Variants in DNAI1 observed in about 807,000 individuals in gnomAD.
The protein encoded by DNAI1 is dynein axonemal intermediate chain 1.
A neutral mutation model predicts 92.0 loss-of-function variants in DNAI1; 67 were observed. The ratio of observed to expected loss-of-function variants is 0.73; its 90% CI spans 0.60 to 0.89. The LOEUF (loss-of-function observed/expected upper bound fraction) is 0.89, where lower values mean the gene tolerates loss of function less well. DNAI1 is among the 40% of genes least tolerant of loss of function. The pLI is 0.00. For synonymous variants in DNAI1, 323 were observed against 319.6 expected (o/e 1.01, Z -0.11); for missense variants, 839 against 866.6 (o/e 0.97, Z 0.40).
intron 19 of DNAI1, among the ~76,000 whole-genome samples, chr9:34,517,751 TATC>T (rs1485785918): frequency 6.6e-6 from 1 of 151,986 alleles, no homozygotes; most frequent in Non-Finnish European, 1.5e-5. Flanking sequence ...AATGTGGAGG[TATC>T]ATTGATTTCT....
chr9:34,506,650 G>T lies in DNAI1; in HGVS notation c.1087G>T (p.Gly363Cys), dbSNP rs1274183697. Reference sequence around the variant, plus strand: ...AGATGACTTCATGAAGCAGAGCCGGGGCATGCTGCTGCTCTACAGCCTGAA... The same window carrying T: ...AGATGACTTCATGAAGCAGAGCCGGTGCATGCTGCTGCTCTACAGCCTGAA... ...GSYDFMKQSR[G>C]MLLLYSLKNP... The change falls in exon 13 of 20, where the codon GGC (glycine) becomes TGC (cysteine). Residue 363 changes from glycine (G) to cysteine (C), a missense_variant. By Grantham distance (159) the Gly-to-Cys change is radical (BLOSUM62 -3). Transcript: ENST00000242317. 6.2e-7 allele frequency: 1 copy of T among 1,614,144 alleles called. No individual in the cohort carries two copies. The highest frequency in any genetic ancestry group is 8.5e-7 in the Non-Finnish European group (1 of 1,180,036).
intron 18 of DNAI1, among the ~76,000 whole-genome samples, chr9:34,515,238 C>A (rs1020076579): frequency 1.3e-5 from 2 of 152,212 alleles, no homozygotes; most frequent in East Asian, 1.9e-4. Context: ...TGAGCATATT[C>A]TTGAATGCAA....
chr9:34,513,470 G>C (rs1410844838), intron 16 of DNAI1, among the ~76,000 whole-genome samples: 1 of 152,150 alleles, frequency 6.6e-6, no homozygotes, highest in Admixed American at 6.5e-5. Context: ...GTAGAAGGGG[G>C]GATTCGGAGG....
At chr9:34,462,602 C>T (rs963006243) in intron 1 of DNAI1, among the ~76,000 whole-genome samples, 1 of 152,286 alleles carries the variant, frequency 6.6e-6, no homozygotes, top group African/African-American at 2.4e-5. Context: ...TGGAAATTAT[C>T]ATCTGAATGT....
chr9:34,467,352 C>T (rs1824056772), intron 1 of DNAI1, among the ~76,000 whole-genome samples: 1 of 151,920 alleles, frequency 6.6e-6, no homozygotes, highest in African/African-American at 2.4e-5. Context: ...AATCCTAGCA[C>T]TTTGGGAGGC....
At chr9:34,485,413 C>G (rs769529228) in intron 3 of DNAI1, 24 bp from the exon 4 acceptor site, 1 of 1,613,252 alleles carries the variant, frequency 6.2e-7, no homozygotes, top group African/African-American at 1.3e-5. Flanking sequence ...CATGTATGAC[C>G]CTCTTGGTAT....
At chr9:34,520,135 C>T (rs139012401) in intron 19 of DNAI1, among the ~76,000 whole-genome samples, 2 of 152,262 alleles carry the variant, frequency 1.3e-5, no homozygotes, top group East Asian at 1.9e-4. Flanking sequence ...CAGCAGGTCT[C>T]GCCCCAAATA....
intron 3 of DNAI1, 88 bp downstream of exon 3, chr9:34,485,328 C>G: frequency 1.3e-6 from 2 of 1,597,212 alleles, no homozygotes; most frequent in Non-Finnish European, 8.6e-7. Context: ...AGGAGCTTGC[C>G]CAGAACCTGG....
intron 19 of DNAI1, among the ~76,000 whole-genome samples, chr9:34,518,321 T>C (rs1043399835): frequency 7.9e-5 from 12 of 152,264 alleles, no homozygotes; most frequent in Non-Finnish European, 1.8e-4. Flanking sequence ...ACTACTGTCT[T>C]CCCTGCACTG....
In DNAI1 at chr9:34,468,109, C is replaced by T. The variant is rs942480474; in HGVS notation, c.48+9056C>T. Among the ~76,000 whole-genome samples, 21 of 151,734 alleles carry T rather than the reference C, an allele frequency of 1.4e-4. 1 individual carries two copies. In the Middle Eastern group the frequency reaches 0.017, roughly 123 times the overall value. ...AATACAATATCAGAAATAAAAAATT[C>T]GTTGGATAGGCCTAACAGCTGAATG... On this transcript the variant is annotated intron_variant, in intron 1 of 19. Transcript: ENST00000242317.
At chr9:34,510,964 C>T (rs1181034820) in intron 13 of DNAI1, among the ~76,000 whole-genome samples, 2 of 152,234 alleles carry the variant, frequency 1.3e-5, no homozygotes, top group African/African-American at 2.4e-5. Flanking sequence ...CTCCGATCCA[C>T]CAGGCCTCAG....
At chr9:34,496,924 T>C (rs953382371) in intron 9 of DNAI1, among the ~76,000 whole-genome samples, 191 bp from the exon 10 acceptor site, 7 of 152,144 alleles carry the variant, frequency 4.6e-5, no homozygotes, top group African/African-American at 1.7e-4. Context: ...ACTTGTGAGG[T>C]AGGAGTTCCT....
rs186215819 is a variant in DNAI1 at position 34,487,278 on chromosome 9, C to T, written c.261+1761C>T. Among the ~76,000 whole-genome samples the T allele has an allele frequency of 1.0e-2, 1,515 of 152,112 alleles. 31 individuals are homozygous for T. Among genetic ancestry groups the T allele is most frequent in the African/African-American group, 0.034 (1,395 of 41,458 alleles). On this transcript the variant is annotated intron_variant, in intron 4 of 19. Coordinates refer to ENST00000242317, the MANE Select transcript of DNAI1 (RefSeq NM_012144.4). ...TCGCCTCACTGCAAGCTCCGCCTCC[C>T]GGGTTCATGCCATTCTCCTGCCTCA...
intron 1 of DNAI1, among the ~76,000 whole-genome samples, chr9:34,463,724 A>G (rs751690258): frequency 1.3e-5 from 2 of 152,236 alleles, no homozygotes; most frequent in Non-Finnish European, 2.9e-5. Flanking sequence ...GTAAAAGCCA[A>G]AGAAAAGACT....
chr9:34,486,128 G>C (rs1317650448), intron 4 of DNAI1, among the ~76,000 whole-genome samples: 1 of 152,190 alleles, frequency 6.6e-6, no homozygotes, highest in Non-Finnish European at 1.5e-5. Context: ...GTCAGCTCCT[G>C]TGGTTATGAA....
chr9:34,510,189 G>A (rs1402608967), intron 13 of DNAI1, among the ~76,000 whole-genome samples: 2 of 152,236 alleles, frequency 1.3e-5, no homozygotes, highest in African/African-American at 4.8e-5. Context: ...TGTTGGCAGT[G>A]GTGAGCCATG....
Position 34,520,891 on chromosome 9 carries a change from T to C in DNAI1, c.*135T>C. ...GTCCCAGCATCTTCCCTTCTTGTTCTGTTCCTTAAGGTCCCAGCACCTTAC... is the reference window on the plus strand; with the variant it reads ...GTCCCAGCATCTTCCCTTCTTGTTCCGTTCCTTAAGGTCCCAGCACCTTAC... On this transcript the variant is annotated 3_prime_UTR_variant, in exon 20 of 20. Transcript: ENST00000242317. 1.1e-6 allele frequency: 1 copy of C among 887,978 alleles called. No homozygotes were observed. The highest frequency in any genetic ancestry group is 2.6e-5 in the East Asian group (1 of 37,886). 55.0% of individuals were successfully genotyped at this position (887,978 alleles called of 1,614,324 possible).
Position 34,483,414 on chromosome 9 carries a change from A to G in DNAI1, c.49-34A>G, listed in dbSNP as rs1564030906. ...ATGATATTTCCATGTCAATTTGCTT[A>G]TGACTTACCTTCTGTTTTCTGTTCT... On this transcript the variant is annotated intron_variant, in intron 1 of 19. Transcript: ENST00000242317. 3.1e-6 allele frequency: 5 copies of G among 1,605,440 alleles called. No individual in the cohort carries two copies. In the South Asian group the frequency reaches 3.3e-5, roughly 11 times the overall value.
intron 18 of DNAI1, among the ~76,000 whole-genome samples, chr9:34,516,666 A>C (rs191788181): frequency 2.2e-4 from 33 of 152,292 alleles, no homozygotes; most frequent in Middle Eastern, 3.4e-3. Flanking sequence ...GAGGTGATGC[A>C]ACCGTATGAT....
Sources: gnomAD v4.1 joint callset for allele counts (sites outside exome capture counted in the v4.1 genomes callset) on GRCh38, gnomAD v4.1.1 for gene constraint, MANE v1.5 for transcripts, NCBI Gene and HGNC (gene_info 2026-07-23, HGNC 2026-07-21) for gene names.